GABRG2: variants seen among roughly 807,000 people sequenced by gnomAD.
The protein encoded by GABRG2 is gamma-aminobutyric acid type A receptor subunit gamma2, also known as gamma-aminobutyric acid receptor subunit gamma-2.
GABRG2 carries 16 observed loss-of-function variants against 56.4 expected under a neutral mutation model. That is an observed-to-expected ratio of 0.28 (90% CI 0.19 to 0.43). The LOEUF (loss-of-function observed/expected upper bound fraction) is 0.43, where lower values mean the gene tolerates loss of function less well. GABRG2 is among the 20% of genes least tolerant of loss of function. GABRG2 has a pLI of 1.00. For missense variants in GABRG2, 327 were observed against 582.7 expected (o/e 0.56, Z 4.52); for synonymous variants, 208 against 205.5 (o/e 1.01, Z -0.10).
chr5:162,154,474 G>GA lies in GABRG2; in HGVS notation c.*1106_*1107insA. 1 of 152,268 alleles carries GA rather than the reference G, an allele frequency of 6.6e-6. No homozygotes were observed. The highest frequency in any genetic ancestry group is 2.1e-4 in the South Asian group (1 of 4,822). 9.4% of individuals were successfully genotyped at this position (152,268 alleles called of 1,614,324 possible). ...AAATCTCTGTGCTGGCCTGAAACCA[G>GA]TGACTCATCTTCTCACATAGGTGTT... On this transcript the variant is annotated 3_prime_UTR_variant, in exon 10 of 10. Transcript: ENST00000639213.
At chr5:162,117,616 G>A (rs1406697118) in intron 6 of GABRG2, among the ~76,000 whole-genome samples, 3 of 152,062 alleles carry the variant, frequency 2.0e-5, no homozygotes, top group Non-Finnish European at 2.9e-5. Flanking sequence ...CTGTTTTATA[G>A]ATAAAGTACA....
intron 2 of GABRG2, chr5:162,094,569 A>C (rs1349592706): frequency 6.4e-6 from 1 of 156,640 alleles, no homozygotes; most frequent in African/African-American, 2.4e-5. Context: ...CATGAGGCTG[A>C]ATGCTTAGGC....
chr5:162,126,627 A>T (rs1429503959), intron 6 of GABRG2, among the ~76,000 whole-genome samples: 1 of 151,922 alleles, frequency 6.6e-6, no homozygotes, highest in African/African-American at 2.4e-5. Flanking sequence ...GACATACATG[A>T]CACTTCACAC....
At position 162,075,989 on chromosome 5, in the gene GABRG2, GA is replaced by G. The variant is rs111787104; in HGVS notation, c.107+7896del. Among the ~76,000 whole-genome samples, 263 of 141,936 alleles carry G rather than the reference GA, an allele frequency of 1.9e-3. 1 individual carries two copies. Among genetic ancestry groups the G allele is most frequent in the Middle Eastern group, 0.011 (3 of 278 alleles). The allele number at this position is 141,936 out of a possible 152,430, so 93.1% of individuals were successfully genotyped here. On this transcript the variant is annotated intron_variant, in intron 1 of 9. Coordinates refer to ENST00000639213, the MANE Select transcript of GABRG2 (RefSeq NM_198904.4). Reference sequence around the variant, plus strand: ...GCAACATGGTGTGACCCTATTTCAAGAAAAAAAAAAAAATTAACTGGGTATG... The same window carrying G: ...GCAACATGGTGTGACCCTATTTCAAGAAAAAAAAAAAATTAACTGGGTATG...
chr5:162,099,910 C>A (rs1761292803), intron 4 of GABRG2: 1 of 152,046 alleles, frequency 6.6e-6, no homozygotes, highest in Admixed American at 6.6e-5. Flanking sequence ...TTTGTATCTG[C>A]AATTATATTA....
At chr5:162,101,853 A>G (rs374093228) in intron 5 of GABRG2, 4 of 157,694 alleles carry the variant, frequency 2.5e-5, no homozygotes, top group African/African-American at 7.2e-5. Context: ...AAGAGGATCC[A>G]TGATGATCTA....
At chr5:162,107,162 A>G (rs1761898296) in intron 6 of GABRG2, among the ~76,000 whole-genome samples, 1 of 152,140 alleles carries the variant, frequency 6.6e-6, no homozygotes, top group Non-Finnish European at 1.5e-5. Context: ...AACTCCATCC[A>G]TGTTCTTGCA....
chr5:162,101,519 A>G lies in GABRG2; in HGVS notation c.631+202A>G. The G allele has an allele frequency of 5.1e-6, 3 of 593,284 alleles. No homozygotes were observed. The South Asian group carries it at 5.9e-5, about 12-fold the overall frequency. The allele number at this position is 593,284 out of a possible 1,614,324, so 36.8% of individuals were successfully genotyped here. A position where few individuals can be genotyped will look rare whatever the true frequency, so the allele number is the denominator to read the frequency against. ...TTCCTGCAAAAGAAGGGCTGATTTT[A>G]TTAAGAATTACAATAGGTTTCCTTG... On this transcript the variant is annotated intron_variant, in intron 5 of 9. Coordinates refer to ENST00000639213, the MANE Select transcript of GABRG2 (RefSeq NM_198904.4).
At chr5:162,126,722 T>G (rs947037595) in intron 6 of GABRG2, among the ~76,000 whole-genome samples, 1 of 151,956 alleles carries the variant, frequency 6.6e-6, no homozygotes, top group African/African-American at 2.4e-5. Context: ...CTGTTTGTAG[T>G]TTTTCAAATA....
At chr5:162,125,485 T>C (rs187468164) in intron 6 of GABRG2, among the ~76,000 whole-genome samples, 2 of 143,664 alleles carry the variant, frequency 1.4e-5, no homozygotes, top group Admixed American at 1.3e-4. Context: ...AGATAGCAGC[T>C]TCACTTTAAG....
chr5:162,094,319 G>A, intron 2 of GABRG2: 1 of 303,096 alleles, frequency 3.3e-6, no homozygotes, highest in South Asian at 3.4e-5. Flanking sequence ...AGTAAAGAGA[G>A]GATATATTGT....
rs79686883 is a variant in GABRG2 at position 162,141,439 on chromosome 5, C to T, written c.770-725C>T. 2.8e-3 allele frequency among the ~76,000 whole-genome samples: 424 copies of T among 152,260 alleles called. 2 individuals are homozygous for T. The highest frequency in any genetic ancestry group is 9.6e-3 in the African/African-American group (400 of 41,550). ...AGGCATTAATTCATTTGCACGATTA[C>T]TTGACAAATGTTACTGAATGCCTGT... is the stretch of plus-strand genomic sequence containing the variant. On this transcript the variant is annotated intron_variant, in intron 6 of 9. Coordinates refer to ENST00000639213, the MANE Select transcript of GABRG2 (RefSeq NM_198904.4).
intron 1 of GABRG2, among the ~76,000 whole-genome samples, chr5:162,081,863 A>T (rs540799032): frequency 6.6e-6 from 1 of 152,110 alleles, no homozygotes; most frequent in South Asian, 2.1e-4. Flanking sequence ...ATTTTCTTAT[A>T]AGGTTAAACA....
intron 1 of GABRG2, among the ~76,000 whole-genome samples, chr5:162,073,479 C>T (rs909546626): frequency 6.6e-6 from 1 of 151,840 alleles, no homozygotes; most frequent in Non-Finnish European, 1.5e-5. Context: ...CTATAGGAAA[C>T]TTGCTCAATG....
At chr5:162,114,990 A>G (rs1762517302) in intron 6 of GABRG2, among the ~76,000 whole-genome samples, 1 of 152,126 alleles carries the variant, frequency 6.6e-6, no homozygotes, top group African/African-American at 2.4e-5. Flanking sequence ...CTTGCACATT[A>G]GCAGTCTTGC....
chr5:162,076,520 G>A (rs1370111359), intron 1 of GABRG2, among the ~76,000 whole-genome samples: 1 of 152,116 alleles, frequency 6.6e-6, no homozygotes, highest in Non-Finnish European at 1.5e-5. Context: ...ATGTGAAATA[G>A]CTTCTATTTA....
chr5:162,079,770 T>C (rs1283232237), intron 1 of GABRG2, among the ~76,000 whole-genome samples: 1 of 152,056 alleles, frequency 6.6e-6, no homozygotes, highest in Non-Finnish European at 1.5e-5. Context: ...TCAAACATTA[T>C]TTATTTTTAT....
chr5:162,153,100 C>G lies in GABRG2; in HGVS notation c.1160C>G (p.Thr387Ser). ...LLRMFSFKAP[T>S]IDIRPRSATI... Reference sequence around the variant, plus strand: ...TCCCTACCCTCGTCCCAGGCCCCTACCATTGATATCCGCCCAAGATCAGCA... The same window carrying G: ...TCCCTACCCTCGTCCCAGGCCCCTAGCATTGATATCCGCCCAAGATCAGCA... Residue 387 changes from threonine (T) to serine (S), a missense_variant, in exon 10 of 10, where the codon ACC becomes AGC. Around this residue, in one of 4 missense-constraint regions of GABRG2, gnomAD observed 108 missense variants for 144.2 expected, o/e 0.75. Coordinates refer to ENST00000639213, the MANE Select transcript of GABRG2 (RefSeq NM_198904.4). 1 of 1,614,014 alleles carries G rather than the reference C, an allele frequency of 6.2e-7. No individual in the cohort carries two copies. Among genetic ancestry groups the G allele is most frequent in the South Asian group, 1.1e-5 (1 of 91,078 alleles).
At chr5:162,089,916 A>G (rs974985919) in intron 1 of GABRG2, among the ~76,000 whole-genome samples, 1 of 152,166 alleles carries the variant, frequency 6.6e-6, no homozygotes, top group East Asian at 1.9e-4. Context: ...CAGAAACTGC[A>G]TGACTAATCT....
Sources: allele counts gnomAD v4.1 joint callset (sites outside exome capture counted in the v4.1 genomes callset), GRCh38; gene constraint gnomAD v4.1.1; regional missense constraint gnomAD v4.1.1; transcripts MANE v1.5; gene names NCBI Gene and HGNC (gene_info 2026-07-23, HGNC 2026-07-21).